ATL2: variants seen among roughly 807,000 people sequenced by gnomAD.
ATL2 encodes atlastin-2.
A neutral mutation model predicts 73.9 loss-of-function variants in ATL2; 31 were observed. The observed-to-expected ratio is 0.42, with a 90% CI of 0.32 to 0.57. The LOEUF is 0.57. ATL2 is among the 20% of genes least tolerant of loss of function. The pLI is 0.14. For synonymous variants in ATL2, 291 were observed against 237.5 expected, an observed-to-expected ratio of 1.23 and a Z score of -2.07; for missense variants, 738 against 702.6, an observed-to-expected ratio of 1.05 and a Z score of -0.57.
chr2:38,325,699 T>C (rs1197900691), intron 2 of ATL2, among the ~76,000 whole-genome samples: 257 of 11,296 alleles, frequency 0.023, 3 homozygotes, highest in Non-Finnish European at 0.03. Flanking sequence ...CACACACCAG[T>C]ACACACACAC....
rs942085524 is a variant in ATL2, at chr2:38,367,340, A to G, written c.118+9803T>C. Among the ~76,000 whole-genome samples, 7 of 151,920 alleles carry G rather than the reference A, an allele frequency of 4.6e-5. No homozygotes were observed. The South Asian group carries it at 1.0e-3, about 23-fold the overall frequency. On this transcript the variant is annotated intron_variant, in intron 1 of 12. Transcript: ENST00000378954. ...AATTTAAGGCCGGGCGCGGTGGCTCATGCCTATAATCTCAGCACTTTGGGA... is the reference window on the plus strand; with the variant it reads ...AATTTAAGGCCGGGCGCGGTGGCTCGTGCCTATAATCTCAGCACTTTGGGA...
chr2:38,307,409 G>A (rs142704085), intron 9 of ATL2, among the ~76,000 whole-genome samples: 180 of 149,658 alleles, frequency 1.2e-3, no homozygotes, highest in African/African-American at 3.1e-3. Flanking sequence ...GAGGCCAGGC[G>A]AATTGCTTGA....
chr2:38,373,287 T>C (rs1056023732), intron 1 of ATL2, among the ~76,000 whole-genome samples: 3 of 152,214 alleles, frequency 2.0e-5, no homozygotes, highest in Non-Finnish European at 4.4e-5. Flanking sequence ...TAGATAAGTA[T>C]TCTTCACCAG....
rs1375222162 is a variant in ATL2 at position 38,300,249 on chromosome 2, C to T, written c.1128+23G>A. The T allele has an allele frequency of 1.9e-6, 3 of 1,550,532 alleles. No individual in the cohort carries two copies. In the African/African-American group the frequency reaches 4.1e-5, roughly 21 times the overall value. On this transcript the variant is annotated intron_variant, in intron 10 of 12. Transcript: ENST00000378954. ...CTCATAAATAAGTATATGTACAACACATATCACTCTCTCTCTCTCTACCTG... is the reference window on the plus strand; with the variant it reads ...CTCATAAATAAGTATATGTACAACATATATCACTCTCTCTCTCTCTACCTG...
chr2:38,347,357 T>C (rs1403613392), intron 1 of ATL2, among the ~76,000 whole-genome samples: 1 of 152,126 alleles, frequency 6.6e-6, no homozygotes, highest in Non-Finnish European at 1.5e-5. Context: ...CTTAGAATTT[T>C]TGTCCTGTGT....
In ATL2 at chr2:38,298,207, G is replaced by GT; in HGVS notation, c.1568dup (p.Tyr523Ter). ...IFLCTWAYVK[Y>*]SGEFREIGTV... ...TTCCAATTTCTCTGAACTCCCCAGA[G>GT]TATTTAACATATGCCCAAGTACAAA... The change falls in exon 12 of 13, where the codon TAC (tyrosine) becomes TAAC (stop). Residue 523 changes from tyrosine (Y) to a stop codon, truncating the protein, a stop_gained and frameshift_variant. Transcript: ENST00000378954. LOFTEE classifies it high-confidence loss of function. The GT allele has an allele frequency of 1.2e-6, 2 of 1,614,082 alleles. No individual in the cohort carries two copies. The highest frequency in any genetic ancestry group is 1.7e-6 in the Non-Finnish European group (2 of 1,179,962).
intron 2 of ATL2, 80 bp downstream of exon 2, chr2:38,343,176 AAAGATATAGTTC>A: frequency 1.5e-6 from 1 of 665,796 alleles, no homozygotes; most frequent in Non-Finnish European, 2.2e-6. Context: ...AAAAAAAAAA[AAAGATATAGTTC>A]TGGTTTTTGT....
At chr2:38,343,925 T>C (rs1392667521) in intron 1 of ATL2, among the ~76,000 whole-genome samples, 1 of 152,168 alleles carries the variant, frequency 6.6e-6, no homozygotes, top group Non-Finnish European at 1.5e-5. Flanking sequence ...GAGATGTGCC[T>C]TTCACCTTCC....
Position 38,318,590 on chromosome 2 carries a change from G to A in ATL2, c.548C>T (p.Thr183Ile). ...AAACACCGTTGCACAGTCTTTGATA[G>A]TTGACTGGCTATCAAAGGCACCCTG... ...DTQGAFDSQSTIKDCATVFAL... is the reference protein window; with the variant it reads ...DTQGAFDSQSIIKDCATVFAL... Residue 183 changes from threonine (T) to isoleucine (I), a missense_variant, in exon 4 of 13, where the codon ACT becomes ATT. Coordinates refer to ENST00000378954, the MANE Select transcript of ATL2 (RefSeq NM_001135673.4). The A allele has an allele frequency of 2.5e-6, 4 of 1,612,874 alleles. No individual in the cohort carries two copies. The highest frequency in any genetic ancestry group is 3.4e-6 in the Non-Finnish European group (4 of 1,179,748).
intron 9 of ATL2, among the ~76,000 whole-genome samples, chr2:38,303,857 C>G (rs939385107): frequency 6.6e-6 from 1 of 152,094 alleles, no homozygotes; most frequent in African/African-American, 2.4e-5. Context: ...CCTGGCTGGG[C>G]GTGGTGGCTC....
At position 38,363,370 on chromosome 2, in the gene ATL2, T is replaced by TGGG. The variant is rs35089431; in HGVS notation, c.118+13770_118+13772dup. Among the ~76,000 whole-genome samples the TGGG allele has an allele frequency of 2.0e-3, 240 of 120,462 alleles. 3 individuals are homozygous for TGGG. In the East Asian group the frequency reaches 0.033, roughly 17 times the overall value. The allele number at this position is 120,462 out of a possible 152,430, so 79.0% of individuals were successfully genotyped here. On this transcript the variant is annotated intron_variant, in intron 1 of 12. Coordinates refer to ENST00000378954, the MANE Select transcript of ATL2 (RefSeq NM_001135673.4). Reference sequence around the variant, plus strand: ...AAATACAAGTTGTTTATTAAAAAGGTGGGGGGGGGGGTTATTTATCATCTT... The same window carrying TGGG: ...AAATACAAGTTGTTTATTAAAAAGGTGGGGGGGGGGGGGGTTATTTATCATCTT...
At chr2:38,302,566 C>A (rs1034802922) in intron 9 of ATL2, among the ~76,000 whole-genome samples, 2 of 152,154 alleles carry the variant, frequency 1.3e-5, no homozygotes, top group Non-Finnish European at 2.9e-5. Flanking sequence ...ATGGTGGCCA[C>A]AATGGTGCTT....
rs1328142099 is a variant in ATL2 at position 38,343,461 on chromosome 2, T to G, written c.170A>C (p.Lys57Thr). ...DLVNSDEVMK[K>T]PCPVQIVLAH... is the part of the protein sequence containing the mutation. ...AAGAACAATCTGTACTGGACATGGT[T>G]TCTTCATAACCTCATCAGAATTTAC... is the stretch of plus-strand genomic sequence containing the variant. The change falls in exon 2 of 13, where the codon AAA (lysine) becomes ACA (threonine). Residue 57 changes from lysine to threonine, a missense_variant. By Grantham distance (78) the Lys-to-Thr change is moderately conservative. Transcript: ENST00000378954. 1.2e-6 allele frequency: 2 copies of G among 1,611,346 alleles called. No homozygotes were observed. Among genetic ancestry groups the G allele is most frequent in the African/African-American group, 2.7e-5 (2 of 74,694 alleles).
At chr2:38,347,144 G>C (rs545086084) in intron 1 of ATL2, among the ~76,000 whole-genome samples, 1 of 152,256 alleles carries the variant, frequency 6.6e-6, no homozygotes, top group African/African-American at 2.4e-5. Flanking sequence ...ATCATAAGCA[G>C]AAAATAGACA....
intron 6 of ATL2, among the ~76,000 whole-genome samples, chr2:38,313,857 C>T (rs1004269681): frequency 6.6e-6 from 1 of 152,164 alleles, no homozygotes; most frequent in Non-Finnish European, 1.5e-5. Context: ...TGTCTCCAGA[C>T]ATTAGCAAAT....
At chr2:38,326,555 C>T (rs966018640) in intron 2 of ATL2, among the ~76,000 whole-genome samples, 3 of 151,958 alleles carry the variant, frequency 2.0e-5, no homozygotes, top group African/African-American at 2.4e-5. Flanking sequence ...AGGATAAATA[C>T]CAAAAAAATC....
intron 9 of ATL2, among the ~76,000 whole-genome samples, chr2:38,307,678 TG>T (rs1667526853): frequency 1.3e-5 from 2 of 151,928 alleles, no homozygotes; most frequent in South Asian, 4.1e-4. Context: ...ACCCACAGAC[TG>T]GGAGAAGACA....
intron 2 of ATL2, among the ~76,000 whole-genome samples, chr2:38,327,640 A>G (rs1668742360): frequency 6.6e-6 from 1 of 152,102 alleles, no homozygotes; most frequent in Non-Finnish European, 1.5e-5. Flanking sequence ...TAAATACACC[A>G]ATTAAAAGAA....
chr2:38,334,714 CAAAAA>C (rs1234825424), intron 2 of ATL2, among the ~76,000 whole-genome samples: 1 of 150,168 alleles, frequency 6.7e-6, no homozygotes, highest in Non-Finnish European at 1.5e-5. Flanking sequence ...AACAAACAAA[CAAAAA>C]AATCTGGTCA....
Sources: gnomAD v4.1 joint callset for allele counts (sites outside exome capture counted in the v4.1 genomes callset) on GRCh38, gnomAD v4.1.1 for gene constraint, MANE v1.5 for transcripts, NCBI Gene and HGNC (gene_info 2026-07-23, HGNC 2026-07-21) for gene names.